Variants in CLMN observed in about 807,000 individuals in gnomAD.
The protein encoded by CLMN is calmin (calponin-like, transmembrane).
In CLMN, 57 loss-of-function variants were observed where a neutral mutation model predicts 92.7. The observed-to-expected ratio is 0.61, with a 90% CI of 0.50 to 0.77. The LOEUF (loss-of-function observed/expected upper bound fraction) is 0.77. Among genes scored for constraint, CLMN ranks in the 30% least tolerant of loss-of-function variants. The probability of loss-of-function intolerance (pLI) is 0.00; values close to 1 mark genes in which losing one functional copy is unlikely to be tolerated. For missense variants in CLMN, 1,158 were observed against 1,237.5 expected (o/e 0.94, Z 0.96); for synonymous variants, 466 against 470.6 (o/e 0.99, Z 0.13).
chr14:95,319,859 G>GGCGCGGAGAGCCTGGCTGGCGC lies in CLMN; in HGVS notation c.-68_-67insGCGCCAGCCAGGCTCTCCGCGC. On this transcript the variant is annotated 5_prime_UTR_variant, in exon 1 of 13. Transcript: ENST00000298912. Reference sequence around the variant, plus strand: ...GCGGGCGCGGAGAGCCTGGCTGGCGGGCGCGCGAGCGGCACGCACCCGGCG... The same window carrying GGCGCGGAGAGCCTGGCTGGCGC: ...GCGGGCGCGGAGAGCCTGGCTGGCGGGCGCGGAGAGCCTGGCTGGCGCGCGCGCGAGCGGCACGCACCCGGCG... 1 of 971,390 alleles carries GGCGCGGAGAGCCTGGCTGGCGC rather than the reference G, an allele frequency of 1.0e-6. No homozygotes were observed. The highest frequency in any genetic ancestry group is 1.2e-6 in the Non-Finnish European group (1 of 804,318). The allele number at this position is 971,390 out of a possible 1,614,324, so 60.2% of individuals were successfully genotyped here. A position where few individuals can be genotyped will look rare whatever the true frequency, so the allele number is the denominator to read the frequency against.
intron 1 of CLMN, among the ~76,000 whole-genome samples, chr14:95,290,155 C>G (rs562547305): frequency 6.6e-6 from 1 of 152,252 alleles, no homozygotes; most frequent in Non-Finnish European, 1.5e-5. Context: ...GAGCCCTTCA[C>G]AGTGTGCAAA....
At chr14:95,291,318 G>A (rs1414008863) in intron 1 of CLMN, among the ~76,000 whole-genome samples, 1 of 152,158 alleles carries the variant, frequency 6.6e-6, no homozygotes, top group African/African-American at 2.4e-5. Context: ...CATGGCGATG[G>A]CCTGTAAACA....
At chr14:95,284,949 G>A (rs1308104141) in intron 1 of CLMN, among the ~76,000 whole-genome samples, 1 of 152,106 alleles carries the variant, frequency 6.6e-6, no homozygotes, top group African/African-American at 2.4e-5. Flanking sequence ...ATATGGTTTG[G>A]CTGTGTCCCC....
At chr14:95,213,479 G>T in intron 5 of CLMN, 70 bp from the exon 6 acceptor site, 2 of 1,451,116 alleles carry the variant, frequency 1.4e-6, no homozygotes, top group Non-Finnish European at 1.9e-6. Context: ...TGTCTGGCGG[G>T]TGGCCATATG....
At chr14:95,247,021 G>C (rs576464401) in intron 1 of CLMN, among the ~76,000 whole-genome samples, 20 of 152,172 alleles carry the variant, frequency 1.3e-4, no homozygotes, top group Non-Finnish European at 2.5e-4. Flanking sequence ...GTACTGATCA[G>C]GCTGTTAATG....
intron 8 of CLMN, among the ~76,000 whole-genome samples, chr14:95,206,221 T>C (rs1329976395): frequency 6.6e-6 from 1 of 152,160 alleles, no homozygotes; most frequent in Non-Finnish European, 1.5e-5. Flanking sequence ...GAAAATATAA[T>C]AAATTGTGTC....
intron 1 of CLMN, among the ~76,000 whole-genome samples, chr14:95,297,279 C>G (rs1900846164): frequency 1.3e-5 from 2 of 152,178 alleles, no homozygotes; most frequent in South Asian, 4.1e-4. Flanking sequence ...TGCAGTCCTG[C>G]TTAAACAGAC....
At chr14:95,312,174 G>A (rs142246059) in intron 1 of CLMN, among the ~76,000 whole-genome samples, 12 of 152,174 alleles carry the variant, frequency 7.9e-5, no homozygotes, top group Non-Finnish European at 1.8e-4. Flanking sequence ...GACCCACGGT[G>A]AGCACCCACA....
intron 5 of CLMN, among the ~76,000 whole-genome samples, chr14:95,214,795 C>T (rs1027338669): frequency 6.6e-6 from 1 of 151,862 alleles, no homozygotes; most frequent in African/African-American, 2.4e-5. Flanking sequence ...GTCTCCAGAC[C>T]TTGTTTGTGC....
At chr14:95,308,732 G>A (rs990809411) in intron 1 of CLMN, among the ~76,000 whole-genome samples, 2 of 152,094 alleles carry the variant, frequency 1.3e-5, no homozygotes, top group African/African-American at 2.4e-5. Flanking sequence ...TATATAGCAT[G>A]TACTGTATAT....
intron 1 of CLMN, chr14:95,296,084 A>AC (rs1900799274): frequency 6.6e-6 from 1 of 152,274 alleles, no homozygotes; most frequent in African/African-American, 2.4e-5. Flanking sequence ...TGCTGTTATA[A>AC]CAGAATGCCA....
intron 1 of CLMN, among the ~76,000 whole-genome samples, chr14:95,253,742 A>G (rs1209132072): frequency 1.3e-5 from 2 of 151,576 alleles, no homozygotes; most frequent in Non-Finnish European, 2.9e-5. Flanking sequence ...CCTCCCCAGT[A>G]GCTGGGACTA....
At position 95,182,359 on chromosome 14, in the gene CLMN, A is replaced by G. The variant is rs985910384; in HGVS notation, c.*9205T>C. 1.3e-5 allele frequency: 2 copies of G among 152,352 alleles called. No homozygotes were observed. Among genetic ancestry groups the G allele is most frequent in the East Asian group, 3.9e-4 (2 of 5,194 alleles). 9.4% of individuals were successfully genotyped at this position (152,352 alleles called of 1,614,324 possible). A position where few individuals can be genotyped will look rare whatever the true frequency, so the allele number is the denominator to read the frequency against. ...GACCAGACTCCCCCAAAATAAAACA[A>G]TGATCACCACCCACTACAATATGGT... On this transcript the variant is annotated 3_prime_UTR_variant, in exon 13 of 13. Coordinates refer to ENST00000298912, the MANE Select transcript of CLMN (RefSeq NM_024734.4).
chr14:95,197,826 G>A (rs997465582), intron 9 of CLMN, among the ~76,000 whole-genome samples: 1 of 151,946 alleles, frequency 6.6e-6, no homozygotes, highest in East Asian at 1.9e-4. Context: ...AGAGCGGCCA[G>A]GCCATTGTGC....
chr14:95,252,751 G>A lies in CLMN; in HGVS notation c.83-22618C>T, dbSNP rs537089685. ...TCAATCAATCATCAGCCATGCCTCTGTAATGAAGCCCCAGTGGAAACCCAA... is the reference window on the plus strand; with the variant it reads ...TCAATCAATCATCAGCCATGCCTCTATAATGAAGCCCCAGTGGAAACCCAA... On this transcript the variant is annotated intron_variant, in intron 1 of 12. Coordinates refer to ENST00000298912, the MANE Select transcript of CLMN (RefSeq NM_024734.4). 7.9e-5 allele frequency among the ~76,000 whole-genome samples: 12 copies of A among 152,274 alleles called. No homozygotes were observed. The East Asian group carries it at 1.2e-3, about 15-fold the overall frequency.
intron 7 of CLMN, 130 bp downstream of exon 7, chr14:95,210,556 G>T: frequency 1.2e-6 from 1 of 826,078 alleles, no homozygotes; most frequent in Non-Finnish European, 1.9e-6. Context: ...TATGATCTGA[G>T]TGGTAGAAAT....
At position 95,215,698 on chromosome 14, in the gene CLMN, T is replaced by A; in HGVS notation, c.360A>T (p.Ala120=). Residue 120 remains alanine (A), a synonymous_variant, in exon 5 of 13, where the codon GCA becomes GCT. Transcript: ENST00000298912. ...KLVSIDAAEI[A]DGNPSLVLGL... Reference sequence around the variant, plus strand: ...CAAGAACCAAAGAAGGGTTGCCATCTGCTATTTCTGCTGCATCAATGCTAA... The same window carrying A: ...CAAGAACCAAAGAAGGGTTGCCATCAGCTATTTCTGCTGCATCAATGCTAA... 6.8e-6 allele frequency: 11 copies of A among 1,614,218 alleles called. No individual in the cohort carries two copies. The highest frequency in any genetic ancestry group is 9.3e-6 in the Non-Finnish European group (11 of 1,180,038).
At chr14:95,239,043 G>C (rs1407263166) in intron 1 of CLMN, among the ~76,000 whole-genome samples, 1 of 152,062 alleles carries the variant, frequency 6.6e-6, no homozygotes, top group African/African-American at 2.4e-5. Flanking sequence ...CTAAACCTCA[G>C]CCCACCTTGA....
intron 1 of CLMN, among the ~76,000 whole-genome samples, chr14:95,238,824 A>G (rs939491725): frequency 6.6e-6 from 1 of 152,204 alleles, no homozygotes; most frequent in Non-Finnish European, 1.5e-5. Context: ...CAGGTCCCAG[A>G]GGCCACCAAT....
Sources: gnomAD v4.1 joint callset for allele counts (sites outside exome capture counted in the v4.1 genomes callset) on GRCh38, gnomAD v4.1.1 for gene constraint, MANE v1.5 for transcripts, NCBI Gene and HGNC (gene_info 2026-07-23, HGNC 2026-07-21) for gene names.